COLEC12: variants seen among roughly 807,000 people sequenced by gnomAD.
The protein encoded by COLEC12 is collectin subfamily member 12, also known as collectin-12.
Under a neutral mutation model 71.1 loss-of-function variants are expected in COLEC12, and 33 were observed. The ratio of observed to expected loss-of-function variants is 0.46; its 90% CI spans 0.35 to 0.62. The LOEUF (loss-of-function observed/expected upper bound fraction) is 0.62, where lower values mean the gene tolerates loss of function less well. COLEC12 is among the 20% of genes least tolerant of loss of function. The pLI is 0.00. For synonymous variants in COLEC12, 350 were observed against 353.0 expected (o/e 0.99, Z 0.10); for missense variants, 765 against 916.1 (o/e 0.84, Z 2.13).
chr18:378,268 G>A (rs1031097713), intron 2 of COLEC12, among the ~76,000 whole-genome samples: 1 of 152,158 alleles, frequency 6.6e-6, no homozygotes, highest in African/African-American at 2.4e-5. Context: ...AGGGCACCCT[G>A]CACAGCGCTG....
Position 362,656 on chromosome 18 carries a change from G to C in COLEC12, c.59-5134C>G, listed in dbSNP as rs1914771899. ...GCTGCAGAGGAGAGATTTCAGTTCAGGAAGTGAAGCAGTGCTGCCCCTCAC... is the reference window on the plus strand; with the variant it reads ...GCTGCAGAGGAGAGATTTCAGTTCACGAAGTGAAGCAGTGCTGCCCCTCAC... On this transcript the variant is annotated intron_variant, in intron 2 of 9. Coordinates refer to ENST00000400256, the MANE Select transcript of COLEC12 (RefSeq NM_130386.3). The surrounding 1 kb of genome is among the most constrained non-coding windows in gnomAD (Gnocchi z 4.6). Among the ~76,000 whole-genome samples the C allele has an allele frequency of 6.6e-6, 1 of 152,126 alleles. No homozygotes were observed. The highest frequency in any genetic ancestry group is 1.5e-5 in the Non-Finnish European group (1 of 68,014).
intron 1 of COLEC12, among the ~76,000 whole-genome samples, chr18:497,842 C>T (rs1027678483): frequency 3.3e-5 from 5 of 152,190 alleles, no homozygotes; most frequent in Admixed American, 3.3e-4. Flanking sequence ...AGTTGGTTCC[C>T]TATGGCAAAT....
intron 2 of COLEC12, among the ~76,000 whole-genome samples, chr18:405,197 C>T (rs112886160): frequency 0.049 from 7,515 of 152,200 alleles, 249 homozygotes; most frequent in East Asian, 0.18. Flanking sequence ...ATACGTGCAC[C>T]GCTGAACATA....
intron 2 of COLEC12, among the ~76,000 whole-genome samples, chr18:469,016 C>T (rs961830895): frequency 4.6e-5 from 7 of 152,264 alleles, no homozygotes; most frequent in African/African-American, 1.2e-4. Flanking sequence ...TGGCCGATGG[C>T]GTGCGCAGCA....
At chr18:353,674 G>C (rs1322906698) in intron 3 of COLEC12, among the ~76,000 whole-genome samples, 1 of 152,246 alleles carries the variant, frequency 6.6e-6, no homozygotes, top group Non-Finnish European at 1.5e-5. Context: ...ACAGAGCACA[G>C]AGCTCCTAGC....
At chr18:368,975 A>AC (rs1351334971) in intron 2 of COLEC12, among the ~76,000 whole-genome samples, 24 of 151,630 alleles carry the variant, frequency 1.6e-4, no homozygotes, top group African/African-American at 5.1e-4. Context: ...CTGACTGGTG[A>AC]CCCCCAATTG....
intron 2 of COLEC12, among the ~76,000 whole-genome samples, chr18:372,354 G>A (rs1400662838): frequency 6.6e-6 from 1 of 152,186 alleles, no homozygotes; most frequent in Admixed American, 6.5e-5. Flanking sequence ...CTTGAAGTTG[G>A]TGCAGAAGTA....
chr18:495,844 C>A (rs1376170586), intron 1 of COLEC12, among the ~76,000 whole-genome samples: 1 of 152,022 alleles, frequency 6.6e-6, no homozygotes, highest in Non-Finnish European at 1.5e-5. Flanking sequence ...AATACTGATC[C>A]CCCCCGCCAC....
At chr18:335,816 C>T (rs1362031488) in intron 5 of COLEC12, among the ~76,000 whole-genome samples, 1 of 152,192 alleles carries the variant, frequency 6.6e-6, no homozygotes, top group Non-Finnish European at 1.5e-5. Context: ...CTTCTTCAAG[C>T]TTTTAGAATG....
At chr18:424,677 G>A (rs577343724) in intron 2 of COLEC12, among the ~76,000 whole-genome samples, 11 of 152,336 alleles carry the variant, frequency 7.2e-5, no homozygotes, top group African/African-American at 2.6e-4. Context: ...GACTTCTGAT[G>A]TTGTCATCTC....
At chr18:392,795 G>A (rs9964252) in intron 2 of COLEC12, among the ~76,000 whole-genome samples, 15,868 of 152,218 alleles carry the variant, frequency 0.1, 1,133 homozygotes, top group South Asian at 0.23. Context: ...AATGCAGGCC[G>A]GTTTGAGCTG....
At chr18:445,714 C>G (rs1451047219) in intron 2 of COLEC12, among the ~76,000 whole-genome samples, 1 of 150,464 alleles carries the variant, frequency 6.6e-6, no homozygotes, top group Non-Finnish European at 1.5e-5. Context: ...CTCACTGCAA[C>G]CTTCGCCACC....
chr18:494,087 C>T (rs1159341326), intron 1 of COLEC12, among the ~76,000 whole-genome samples: 4 of 152,126 alleles, frequency 2.6e-5, no homozygotes, highest in Non-Finnish European at 4.4e-5. Flanking sequence ...TTCATTACTA[C>T]AATTACAAAC....
At chr18:496,213 T>C (rs1038961519) in intron 1 of COLEC12, among the ~76,000 whole-genome samples, 18 of 152,222 alleles carry the variant, frequency 1.2e-4, no homozygotes, top group Non-Finnish European at 1.5e-5. Flanking sequence ...TGACATAGCC[T>C]GAAAGCCATC....
rs780593695 is a variant in COLEC12 at position 335,179 on chromosome 18, G to A, written c.1379C>T (p.Pro460Leu). 2.5e-6 allele frequency: 4 copies of A among 1,611,522 alleles called. No individual in the cohort carries two copies. Among genetic ancestry groups the A allele is most frequent in the East Asian group, 2.2e-5 (1 of 44,702 alleles). The change falls in exon 6 of 10, where the codon CCT becomes CTT. Residue 460 changes from proline (P) to leucine (L), a missense_variant. Pro to Leu is a moderately conservative substitution (Grantham distance 98, BLOSUM62 -3). Transcript: ENST00000400256. ...PRGDRGSQGP[P>L]GPTGNKGQKG... Reference sequence around the variant, plus strand: ...CTGTCCCTTGTTGCCAGTTGGGCCAGGGGGTCCCTGGGATCCTCTGTCACC... The same window carrying A: ...CTGTCCCTTGTTGCCAGTTGGGCCAAGGGGTCCCTGGGATCCTCTGTCACC...
chr18:414,416 T>C (rs1470614512), intron 2 of COLEC12, among the ~76,000 whole-genome samples: 2 of 152,050 alleles, frequency 1.3e-5, no homozygotes, highest in Non-Finnish European at 2.9e-5. Context: ...CTGACCAACA[T>C]GGTGAAACCT....
chr18:351,462 T>C (rs927284486), intron 3 of COLEC12, among the ~76,000 whole-genome samples: 27 of 152,192 alleles, frequency 1.8e-4, no homozygotes, highest in African/African-American at 6.3e-4. Flanking sequence ...TCTACTATTA[T>C]ATCCTTTAGG....
At chr18:495,308 C>T (rs1424859294) in intron 1 of COLEC12, among the ~76,000 whole-genome samples, 1 of 152,182 alleles carries the variant, frequency 6.6e-6, no homozygotes, top group Non-Finnish European at 1.5e-5. Flanking sequence ...TCTATACTTC[C>T]CTGTTCCTGG....
intron 2 of COLEC12, among the ~76,000 whole-genome samples, chr18:420,595 C>T (rs1050176130): frequency 6.6e-6 from 1 of 152,100 alleles, no homozygotes; most frequent in African/African-American, 2.4e-5. Flanking sequence ...AGGTTAAACG[C>T]CTGACTGGAC....
Sources: gnomAD v4.1 joint callset for allele counts (sites outside exome capture counted in the v4.1 genomes callset) on GRCh38, gnomAD v4.1.1 for gene constraint, Gnocchi (gnomAD v3.1) non-coding constraint, MANE v1.5 for transcripts, NCBI Gene and HGNC (gene_info 2026-07-23, HGNC 2026-07-21) for gene names.